Variants in ZNF599 observed in about 807,000 individuals in gnomAD.
ZNF599 encodes the protein zinc finger protein 599.
A neutral mutation model predicts 11.7 loss-of-function variants in ZNF599; 10 were observed. The observed-to-expected ratio is 0.86, with a 90% CI of 0.53 to 1.45. The LOEUF is 1.45. Ranked by LOEUF, ZNF599 falls within the 40% of genes most tolerant of loss-of-function variation. The pLI, the probability that ZNF599 is intolerant of heterozygous loss-of-function variation, is 0.00. For synonymous variants in ZNF599, 232 were observed against 253.2 expected, an observed-to-expected ratio of 0.92 and a Z score of 0.79; for missense variants, 688 against 713.6, an observed-to-expected ratio of 0.96 and a Z score of 0.41.
the ZNF599 span, among the ~76,000 whole-genome samples, chr19:34,804,909 G>A: frequency 6.6e-6 from 1 of 152,160 alleles, no homozygotes; most frequent in Non-Finnish European, 1.5e-5. Flanking sequence ...CTGCATGCTA[G>A]CTCACTGCAA....
intron 3 of ZNF599, 125 bp from the exon 4 acceptor site, chr19:34,760,684 C>G (rs965795589): frequency 2.5e-5 from 22 of 865,770 alleles, no homozygotes; most frequent in Non-Finnish European, 3.8e-5. Flanking sequence ...ATTTTTACAT[C>G]TCTCAAAACC....
the ZNF599 span, among the ~76,000 whole-genome samples, chr19:34,805,950 A>G: frequency 6.6e-6 from 1 of 152,180 alleles, no homozygotes; most frequent in South Asian, 2.1e-4. Flanking sequence ...CATAGGAACT[A>G]TTATATATAC....
rs1437312727 is a variant in ZNF599, at chr19:34,772,813, C to G, written c.18+11G>C. On this transcript the variant is annotated intron_variant, in intron 1 of 3. Coordinates refer to ENST00000329285, the MANE Select transcript of ZNF599 (RefSeq NM_001007248.3). ...CCCGAGCTCGCGCGGGCTGCGGAAC[C>G]CTCCACTCACCAACGCCGGCGCCGC... 54 of 1,529,470 alleles carry G rather than the reference C, an allele frequency of 3.5e-5. No homozygotes were observed. Among genetic ancestry groups the G allele is most frequent in the Admixed American group, 1.4e-4 (7 of 50,062 alleles). The allele number at this position is 1,529,470 out of a possible 1,614,324, so 94.7% of individuals were successfully genotyped here.
At chr19:34,787,306 G>A in the ZNF599 span, among the ~76,000 whole-genome samples, 2 of 151,924 alleles carry the variant, frequency 1.3e-5, no homozygotes, top group Non-Finnish European at 2.9e-5. Context: ...GGGGGCAAAC[G>A]AAATGTCCCT....
the ZNF599 span, among the ~76,000 whole-genome samples, chr19:34,784,342 T>C: frequency 1.9e-3 from 284 of 152,338 alleles, no homozygotes; most frequent in African/African-American, 6.4e-3. Flanking sequence ...TGGATTAAGA[T>C]GCACCCTCGG....
the ZNF599 span, among the ~76,000 whole-genome samples, chr19:34,780,881 G>C: frequency 6.6e-6 from 1 of 152,254 alleles, no homozygotes; most frequent in Admixed American, 6.5e-5. Flanking sequence ...AAGGGGCCGG[G>C]TGCGGTGGTT....
chr19:34,794,755 G>A, the ZNF599 span, among the ~76,000 whole-genome samples: 1 of 151,972 alleles, frequency 6.6e-6, no homozygotes, highest in Non-Finnish European at 1.5e-5. Context: ...ATTTTTAGTA[G>A]AGACAGCGTT....
rs932256098 is a variant in ZNF599, at chr19:34,767,504, C to G, written c.146-93G>C. On this transcript the variant is annotated intron_variant, in intron 2 of 3. Coordinates refer to ENST00000329285, the MANE Select transcript of ZNF599 (RefSeq NM_001007248.3). ...AGGAGTACATATATTTAACATACTGCAATGAAACCCCAGAAAGGGCCCTCC... is the reference window on the plus strand; with the variant it reads ...AGGAGTACATATATTTAACATACTGGAATGAAACCCCAGAAAGGGCCCTCC... 5.6e-6 allele frequency: 5 copies of G among 894,706 alleles called. No homozygotes were observed. In the Admixed American group the frequency reaches 9.4e-5, roughly 17 times the overall value. The allele number at this position is 894,706 out of a possible 1,614,324, so 55.4% of individuals were successfully genotyped here. A position where few individuals can be genotyped will look rare whatever the true frequency, so the allele number is the denominator to read the frequency against.
intron 2 of ZNF599, among the ~76,000 whole-genome samples, chr19:34,768,445 G>A (rs897709166): frequency 6.6e-5 from 10 of 152,208 alleles, no homozygotes; most frequent in Non-Finnish European, 1.3e-4. Context: ...GTAACCATTT[G>A]AACAACTGGA....
At chr19:34,807,437 G>A in the ZNF599 span, among the ~76,000 whole-genome samples, 1 of 152,218 alleles carries the variant, frequency 6.6e-6, no homozygotes, top group Admixed American at 6.5e-5. Flanking sequence ...ACAATGGGTG[G>A]CACCCTAGCC....
At chr19:34,800,044 A>C in the ZNF599 span, among the ~76,000 whole-genome samples, 1 of 152,228 alleles carries the variant, frequency 6.6e-6, no homozygotes, top group Admixed American at 6.5e-5. Flanking sequence ...TATGATGTGC[A>C]TCTTTACATA....
Position 34,769,378 on chromosome 19 carries a change from G to A in ZNF599, c.145+51C>T, listed in dbSNP as rs73929207. 4.2e-3 allele frequency: 6,845 copies of A among 1,613,312 alleles called. 265 individuals are homozygous for A. In the African/African-American group the frequency reaches 0.08, roughly 19 times the overall value. On this transcript the variant is annotated intron_variant, in intron 2 of 3. Coordinates refer to ENST00000329285, the MANE Select transcript of ZNF599 (RefSeq NM_001007248.3). ...TGGACCAGCCATGCCTAGAAAGGGT[G>A]GATTCAAAGAGGCTGTGGGTCCCCT...
chr19:34,779,704 T>C, the ZNF599 span: 1 of 300,570 alleles, frequency 3.3e-6, no homozygotes, highest in African/African-American at 2.3e-5. Flanking sequence ...AGGGTTTAAT[T>C]TGCTGCACAG....
In ZNF599 at chr19:34,771,931, C is replaced by T. The variant is rs1340192945; in HGVS notation, c.18+893G>A. Reference sequence around the variant, plus strand: ...CACAAGAGTGAGAAGACCACAAAGACTGGGAGAGACTTTACATGATGCAAC... The same window carrying T: ...CACAAGAGTGAGAAGACCACAAAGATTGGGAGAGACTTTACATGATGCAAC... On this transcript the variant is annotated intron_variant, in intron 1 of 3. Coordinates refer to ENST00000329285, the MANE Select transcript of ZNF599 (RefSeq NM_001007248.3). 2.6e-5 allele frequency among the ~76,000 whole-genome samples: 4 copies of T among 152,078 alleles called. No individual in the cohort carries two copies. In the South Asian group the frequency reaches 8.3e-4, roughly 32 times the overall value.
At chr19:34,778,737 C>A in the ZNF599 span, among the ~76,000 whole-genome samples, 1 of 152,138 alleles carries the variant, frequency 6.6e-6, no homozygotes, top group Non-Finnish European at 1.5e-5. Flanking sequence ...AAAAATATTT[C>A]TCAACTTAGC....
chr19:34,785,330 C>T, the ZNF599 span, among the ~76,000 whole-genome samples: 1 of 152,166 alleles, frequency 6.6e-6, no homozygotes, highest in African/African-American at 2.4e-5. Flanking sequence ...ATTGCAGTAG[C>T]CTATTACTTG....
In ZNF599 at chr19:34,759,280, A is replaced by G. The variant is rs1600153772; in HGVS notation, c.1521T>C (p.Tyr507=). 1 of 1,614,248 alleles carries G rather than the reference A, an allele frequency of 6.2e-7. No individual in the cohort carries two copies. The highest frequency in any genetic ancestry group is 1.1e-5 in the South Asian group (1 of 91,086). ...AAGCCTTTCCACATTCTCTACAAAC[A>G]TAGGGCTTCTCTCCAGTGTGAATCC... ...HMRIHTGEKP[Y]VCRECGKAFT... is the part of the protein sequence containing the mutation. The change falls in exon 4 of 4, where the codon TAT becomes TAC. Residue 507 remains tyrosine (Y), a synonymous_variant. Coordinates refer to ENST00000329285, the MANE Select transcript of ZNF599 (RefSeq NM_001007248.3).
Position 34,767,178 on chromosome 19 carries a change from A to G in ZNF599, c.241+138T>C. 4.8e-6 allele frequency: 3 copies of G among 624,028 alleles called. No individual in the cohort carries two copies. In the South Asian group the frequency reaches 5.8e-5, roughly 12 times the overall value. 38.7% of individuals were successfully genotyped at this position (624,028 alleles called of 1,614,324 possible). ...CAAAGAGTGTGTGACAGAAGTGGGA[A>G]GACGGGGGACCATGGGGTCAAGGGC... On this transcript the variant is annotated intron_variant, in intron 3 of 3. Transcript: ENST00000329285.
the ZNF599 span, among the ~76,000 whole-genome samples, chr19:34,783,631 G>A: frequency 6.6e-6 from 1 of 152,060 alleles, no homozygotes; most frequent in Non-Finnish European, 1.5e-5. Flanking sequence ...GGATGAGCAA[G>A]CCCCCAATAT....
Sources: allele counts gnomAD v4.1 joint callset (sites outside exome capture counted in the v4.1 genomes callset), GRCh38; gene constraint gnomAD v4.1.1; transcripts MANE v1.5; gene names NCBI Gene and HGNC (gene_info 2026-07-23, HGNC 2026-07-21).